PLBD2: variants seen among roughly 807,000 people sequenced by gnomAD.
PLBD2 encodes the protein putative aminopeptidase PLBD2.
In PLBD2, 51 loss-of-function variants were observed where a neutral mutation model predicts 68.3. The observed-to-expected ratio is 0.75, with a 90% CI of 0.60 to 0.94. The LOEUF (loss-of-function observed/expected upper bound fraction) is 0.94, where lower values mean the gene tolerates loss of function less well. Ranked by LOEUF, PLBD2 falls within the 40% of genes least tolerant of loss-of-function variation. The pLI, the probability that PLBD2 is intolerant of heterozygous loss-of-function variation, is 0.00. For synonymous variants in PLBD2, 314 were observed against 339.3 expected, an observed-to-expected ratio of 0.93 and a Z score of 0.82; for missense variants, 729 against 792.2, an observed-to-expected ratio of 0.92 and a Z score of 0.96.
intron 1 of PLBD2, among the ~76,000 whole-genome samples, chr12:113,361,057 T>C (rs919712668): frequency 3.3e-5 from 5 of 152,218 alleles, no homozygotes; most frequent in African/African-American, 1.2e-4. Flanking sequence ...ACTGAGGTCC[T>C]CAGAGACAGC....
chr12:113,363,267 T>A (rs1383282135), intron 1 of PLBD2, among the ~76,000 whole-genome samples: 2 of 152,036 alleles, frequency 1.3e-5, no homozygotes, highest in Non-Finnish European at 2.9e-5. Flanking sequence ...AGACCCTATC[T>A]CTGCAAAAAA....
chr12:113,373,594 A>G (rs1044316817), intron 3 of PLBD2, among the ~76,000 whole-genome samples: 1 of 151,102 alleles, frequency 6.6e-6, no homozygotes, highest in Non-Finnish European at 1.5e-5. Flanking sequence ...GCATCCATCC[A>G]TCCATTCATC....
At position 113,372,704 on chromosome 12, in the gene PLBD2, A is replaced by T. The variant is rs1360279695; in HGVS notation, c.440A>T (p.Tyr147Phe). The stretch of plus-strand genomic sequence containing the variant: ...GTGAATTACTGCGGCCCCTTCGAGT[A>T]TGAAGTCGGCTACTGCGAGAGGCTG... Reference protein sequence around the residue: ...TVVNYCGPFEYEVGYCERLKS... With the variant: ...TVVNYCGPFEFEVGYCERLKS... Residue 147 changes from tyrosine to phenylalanine, a missense_variant, in exon 3 of 12, where the codon TAT (tyrosine) becomes TTT (phenylalanine). Transcript: ENST00000280800. The surrounding 1 kb of genome is among the most constrained non-coding windows in gnomAD (Gnocchi z 4.2). 1.2e-6 allele frequency: 2 copies of T among 1,613,994 alleles called. No individual in the cohort carries two copies. The highest frequency in any genetic ancestry group is 2.7e-5 in the African/African-American group (2 of 74,934).
intron 5 of PLBD2, among the ~76,000 whole-genome samples, chr12:113,380,318 A>G (rs1957475576): frequency 6.6e-6 from 1 of 151,982 alleles, no homozygotes; most frequent in Non-Finnish European, 1.5e-5. Context: ...TTGTATTTTT[A>G]GTAGAGACGG....
intron 5 of PLBD2, among the ~76,000 whole-genome samples, chr12:113,379,074 C>G (rs879806869): frequency 2.2e-4 from 34 of 151,934 alleles, no homozygotes; most frequent in Non-Finnish European, 4.0e-4. Flanking sequence ...TTTGGGAGGC[C>G]GAGGCTGGTG....
intron 5 of PLBD2, chr12:113,377,100 A>G (rs556904285): frequency 6.6e-6 from 1 of 152,228 alleles, no homozygotes; most frequent in African/African-American, 2.4e-5. Flanking sequence ...CCAGTGATCC[A>G]GCAATTCTCT....
chr12:113,369,817 T>C lies in PLBD2; in HGVS notation c.384+608T>C, dbSNP rs7297588. On this transcript the variant is annotated intron_variant, in intron 2 of 11. Transcript: ENST00000280800. ...AGTGACTGCTGATGGGTATGGGGTT[T>C]CTTTCTGGGATGATGAAAATGTTCT... 5.9e-3 allele frequency among the ~76,000 whole-genome samples: 895 copies of C among 152,066 alleles called. 9 individuals carry two copies. Among genetic ancestry groups the C allele is most frequent in the African/African-American group, 0.02 (838 of 41,482 alleles).
chr12:113,380,880 G>A (rs931974457), intron 6 of PLBD2, 38 bp downstream of exon 6: 1 of 1,527,938 alleles, frequency 6.5e-7, no homozygotes. Flanking sequence ...TTCCTGGGGT[G>A]TTTGTCACAC....
chr12:113,386,922 C>T lies in PLBD2; in HGVS notation c.1287-15C>T. 2 of 1,612,620 alleles carry T rather than the reference C, an allele frequency of 1.2e-6. No individual in the cohort carries two copies. Among genetic ancestry groups the T allele is most frequent in the Non-Finnish European group, 1.7e-6 (2 of 1,179,498 alleles). ...GCCAGTGGGGGTCATGGGTGACCAT[C>T]CTTGTCCCCGGCAGGTCCTTCGAGA... On this transcript the variant is annotated splice_polypyrimidine_tract_variant and intron_variant, in intron 9 of 11. Coordinates refer to ENST00000280800, the MANE Select transcript of PLBD2 (RefSeq NM_173542.4).
At chr12:113,370,301 G>A (rs1238098905) in intron 2 of PLBD2, among the ~76,000 whole-genome samples, 2 of 152,030 alleles carry the variant, frequency 1.3e-5, no homozygotes, top group African/African-American at 4.8e-5. Flanking sequence ...TAGGGTGGTG[G>A]GTGCCTCTAG....
chr12:113,382,868 T>TGTGTG (rs1491184280), intron 6 of PLBD2, among the ~76,000 whole-genome samples: 379 of 83,084 alleles, frequency 4.6e-3, no homozygotes, highest in South Asian at 5.8e-3. Flanking sequence ...TGTGTGTGTG[T>TGTGTG]TTTTTTTTTT....
chr12:113,387,871 C>G lies in PLBD2; in HGVS notation c.1567C>G (p.Leu523Val). 6.2e-7 allele frequency: 1 copy of G among 1,614,234 alleles called. No individual in the cohort carries two copies. The highest frequency in any genetic ancestry group is 8.5e-7 in the Non-Finnish European group (1 of 1,180,036). The change falls in exon 11 of 12, where the codon CTG (leucine) becomes GTG (valine). Residue 523 changes from leucine to valine, a missense_variant. By Grantham distance (32) the Leu-to-Val change is conservative. Coordinates refer to ENST00000280800, the MANE Select transcript of PLBD2 (RefSeq NM_173542.4). ...CAATGGCTCCTACCCCTTCCAGGCC[C>G]TGCGTCAGCGCTCCCATGGGGGTAT... is the stretch of plus-strand genomic sequence containing the variant. ...PANGSYPFQALRQRSHGGIDV... is the reference protein window; with the variant it reads ...PANGSYPFQAVRQRSHGGIDV...
At chr12:113,377,946 C>T (rs895234436) in intron 5 of PLBD2, among the ~76,000 whole-genome samples, 2 of 152,228 alleles carry the variant, frequency 1.3e-5, no homozygotes, top group Admixed American at 6.5e-5. Flanking sequence ...GAACACTCCA[C>T]AACCCAAAAG....
chr12:113,383,801 C>G (rs1300755879), intron 6 of PLBD2, among the ~76,000 whole-genome samples: 1 of 151,210 alleles, frequency 6.6e-6, no homozygotes, highest in Non-Finnish European at 1.5e-5. Flanking sequence ...AGGAGTTAGA[C>G]CAGCCTAGCC....
chr12:113,387,721 G>GTTCC lies in PLBD2; in HGVS notation c.1440-22_1440-19dup, dbSNP rs757432932. On this transcript the variant is annotated intron_variant, in intron 10 of 11. Transcript: ENST00000280800. Reference sequence around the variant, plus strand: ...GCCTCTCCTTCCTGGGATGACTGATGTTCCCTCCTTTTCCCCATCCAGGTA... The same window carrying GTTCC: ...GCCTCTCCTTCCTGGGATGACTGATGTTCCTTCCCTCCTTTTCCCCATCCAGGTA... The GTTCC allele has an allele frequency of 1.9e-6, 3 of 1,608,940 alleles. No homozygotes were observed. In the South Asian group the frequency reaches 3.3e-5, roughly 18 times the overall value.
At chr12:113,368,972 G>T in intron 1 of PLBD2, 144 bp from the exon 2 acceptor site, 1 of 561,030 alleles carries the variant, frequency 1.8e-6, no homozygotes, top group Non-Finnish European at 3.2e-6. Flanking sequence ...GATTTAATCC[G>T]GCAAGCTCAC....
At chr12:113,386,417 G>A (rs1318368648) in intron 9 of PLBD2, among the ~76,000 whole-genome samples, 3 of 142,298 alleles carry the variant, frequency 2.1e-5, no homozygotes, top group South Asian at 2.2e-4. Context: ...GCAATGGTGC[G>A]ATCTCAGCTT....
At chr12:113,374,641 G>A in intron 4 of PLBD2, 67 bp downstream of exon 4, 2 of 1,476,966 alleles carry the variant, frequency 1.4e-6, no homozygotes, top group Non-Finnish European at 1.9e-6. Flanking sequence ...GGACAGACCT[G>A]GGTTCCAGCA....
chr12:113,382,688 C>A (rs528745873), intron 6 of PLBD2, among the ~76,000 whole-genome samples: 100 of 152,016 alleles, frequency 6.6e-4, no homozygotes, highest in Admixed American at 1.6e-3. Context: ...AGCAATCTGA[C>A]CCCCTTGGCC....
Sources: allele counts gnomAD v4.1 joint callset (sites outside exome capture counted in the v4.1 genomes callset), GRCh38; gene constraint gnomAD v4.1.1; non-coding constraint Gnocchi (gnomAD v3.1); transcripts MANE v1.5; gene names NCBI Gene and HGNC (gene_info 2026-07-23, HGNC 2026-07-21).